The following DAB1 variants were observed in gnomAD, a reference collection of about 807,000 sequenced individuals.
The protein encoded by DAB1 is DAB adaptor protein 1.
DAB1 carries 15 observed loss-of-function variants against 64.6 expected under a neutral mutation model. That is an observed-to-expected ratio of 0.23 (90% CI 0.16 to 0.36). DAB1 has a LOEUF of 0.36. Among genes scored for constraint, DAB1 ranks in the 10% least tolerant of loss-of-function variants. The probability of loss-of-function intolerance (pLI) is 1.00; values close to 1 mark genes in which losing one functional copy is unlikely to be tolerated. For missense variants in DAB1, 596 were observed against 706.7 expected, an observed-to-expected ratio of 0.84 and a Z score of 1.78; for synonymous variants, 235 against 251.9, an observed-to-expected ratio of 0.93 and a Z score of 0.64.
Position 57,157,570 on chromosome 1 carries a change from A to AAGAG in DAB1, c.68-12145_68-12142dup, listed in dbSNP as rs34642210. On this transcript the variant is annotated intron_variant, in intron 2 of 14. Transcript: ENST00000371236. ...ATCTCTTTTTGTGCATGCACTGAGA[A>AAGAG]AGAGAGAGAGAGAGAGAGAGAGAGA... Among the ~76,000 whole-genome samples the AAGAG allele has an allele frequency of 1.3e-3, 194 of 148,186 alleles. 1 individual carries two copies. Among genetic ancestry groups the AAGAG allele is most frequent in the African/African-American group, 2.8e-3 (112 of 40,466 alleles).
chr1:57,793,789 ATTG>A (rs891395452), intron 6 of DAB1, among the ~76,000 whole-genome samples: 7 of 152,096 alleles, frequency 4.6e-5, no homozygotes, highest in Non-Finnish European at 1.0e-4. Flanking sequence ...ACATGAGATA[ATTG>A]TTGTAAATCA....
chr1:57,338,805 G>A (rs1018266364), intron 1 of DAB1, among the ~76,000 whole-genome samples: 5 of 152,116 alleles, frequency 3.3e-5, no homozygotes, highest in African/African-American at 1.2e-4. Flanking sequence ...AAGTCATCTT[G>A]GCTCTGTTGT....
At chr1:57,358,119 T>C (rs1036145098) in intron 1 of DAB1, among the ~76,000 whole-genome samples, 9 of 152,092 alleles carry the variant, frequency 5.9e-5, no homozygotes, top group African/African-American at 2.2e-4. Context: ...CTTCTTCCTT[T>C]TTACTTTGAA....
intron 6 of DAB1, among the ~76,000 whole-genome samples, chr1:57,817,206 A>G (rs1287208665): frequency 6.6e-6 from 1 of 152,206 alleles, no homozygotes. Flanking sequence ...TATCATTGTG[A>G]TTGGCAGAGA....
At chr1:58,504,683 C>A (rs530663717) in intron 3 of DAB1, among the ~76,000 whole-genome samples, 1 of 152,270 alleles carries the variant, frequency 6.6e-6, no homozygotes, top group East Asian at 1.9e-4. Context: ...CAATAAATAT[C>A]GATCTACCTA....
chr1:57,418,622 C>A (rs1684672104), intron 1 of DAB1, among the ~76,000 whole-genome samples: 1 of 152,152 alleles, frequency 6.6e-6, no homozygotes, highest in Non-Finnish European at 1.5e-5. Context: ...CCCGCCTTCA[C>A]CACCACAAAA....
At chr1:57,343,811 G>C (rs1217791875) in intron 1 of DAB1, among the ~76,000 whole-genome samples, 1 of 152,214 alleles carries the variant, frequency 6.6e-6, no homozygotes, top group Admixed American at 6.5e-5. Flanking sequence ...CCCAAAAGCT[G>C]AGGGAGCTGG....
intron 7 of DAB1, among the ~76,000 whole-genome samples, chr1:57,502,333 A>AG (rs1246040842): frequency 1.3e-4 from 20 of 151,164 alleles, no homozygotes; most frequent in Admixed American, 2.6e-4. Flanking sequence ...AAAAAAAAAA[A>AG]AAAAAGAAAG....
At chr1:57,085,868 G>C (rs1247997824) in intron 4 of DAB1, among the ~76,000 whole-genome samples, 1 of 152,190 alleles carries the variant, frequency 6.6e-6, no homozygotes, top group South Asian at 2.1e-4. Context: ...GGCATAGCCA[G>C]GGTAAGCATG....
At chr1:58,474,252 G>C (rs931705211) in intron 3 of DAB1, among the ~76,000 whole-genome samples, 1 of 152,200 alleles carries the variant, frequency 6.6e-6, no homozygotes, top group Non-Finnish European at 1.5e-5. Flanking sequence ...CTGAGCTTTC[G>C]AGAGGCTTAG....
intron 1 of DAB1, among the ~76,000 whole-genome samples, chr1:57,325,057 C>A (rs1342954836): frequency 6.6e-6 from 1 of 152,196 alleles, no homozygotes; most frequent in East Asian, 1.9e-4. Flanking sequence ...CCTGTAGATG[C>A]TGGAGCCTGC....
At chr1:58,386,542 G>A (rs535519410) in intron 3 of DAB1, among the ~76,000 whole-genome samples, 2 of 152,194 alleles carry the variant, frequency 1.3e-5, no homozygotes, top group Admixed American at 6.5e-5. Context: ...GAGGGTAAGC[G>A]ACTTATCCAA....
intron 2 of DAB1, among the ~76,000 whole-genome samples, chr1:57,163,185 G>A (rs113878244): frequency 4.6e-5 from 7 of 152,328 alleles, no homozygotes; most frequent in African/African-American, 1.7e-4. Context: ...GGAAGATAAT[G>A]AGGAAGTAAA....
chr1:58,140,130 A>G (rs1003201683), intron 5 of DAB1, among the ~76,000 whole-genome samples: 12 of 152,156 alleles, frequency 7.9e-5, no homozygotes, highest in African/African-American at 2.4e-4. Context: ...ACATTTGCCA[A>G]TGGTTAGCTC....
intron 3 of DAB1, among the ~76,000 whole-genome samples, chr1:58,399,489 A>G (rs765504602): frequency 6.6e-6 from 1 of 152,190 alleles, no homozygotes; most frequent in Non-Finnish European, 1.5e-5. Flanking sequence ...CGATTTTTAG[A>G]TAGGGAAACC....
At chr1:57,548,617 A>T (rs1008752786) in intron 7 of DAB1, among the ~76,000 whole-genome samples, 17 of 152,220 alleles carry the variant, frequency 1.1e-4, no homozygotes. Context: ...AGGACTTAAC[A>T]GTATTTTCTC....
chr1:58,104,511 A>T (rs555885334), intron 5 of DAB1, among the ~76,000 whole-genome samples: 33 of 152,326 alleles, frequency 2.2e-4, no homozygotes, highest in African/African-American at 7.9e-4. Context: ...AGGAATATAC[A>T]TGTGTTTTCC....
chr1:58,053,004 A>C (rs569871018), intron 5 of DAB1, among the ~76,000 whole-genome samples: 1 of 152,354 alleles, frequency 6.6e-6, no homozygotes, highest in African/African-American at 2.4e-5. Context: ...AAGAAAAAGC[A>C]AGAGCGAAAA....
At chr1:57,985,442 A>C (rs1374330539) in intron 5 of DAB1, among the ~76,000 whole-genome samples, 1 of 152,166 alleles carries the variant, frequency 6.6e-6, no homozygotes, top group Non-Finnish European at 1.5e-5. Flanking sequence ...CCAAGGTTAT[A>C]GTATTAGGAG....
Sources: gnomAD v4.1 joint callset for allele counts (sites outside exome capture counted in the v4.1 genomes callset) on GRCh38, gnomAD v4.1.1 for gene constraint, MANE v1.5 for transcripts, NCBI Gene and HGNC (gene_info 2026-07-23, HGNC 2026-07-21) for gene names.